The following ROBO2 variants were observed in gnomAD, a reference collection of about 807,000 sequenced individuals.
ROBO2 encodes roundabout guidance receptor 2.
In ROBO2, 53 loss-of-function variants were observed where a neutral mutation model predicts 160.8. The ratio of observed to expected loss-of-function variants is 0.33; its 90% CI spans 0.26 to 0.41. The LOEUF is 0.41. ROBO2 is among the 10% of genes least tolerant of loss of function. ROBO2 has a pLI of 1.00. For missense variants in ROBO2, 1,577 were observed against 1,722.4 expected, an observed-to-expected ratio of 0.92 and a Z score of 1.49; for synonymous variants, 664 against 611.7, an observed-to-expected ratio of 1.09 and a Z score of -1.26.
chr3:76,718,112 A>G (rs902322745), intron 2 of ROBO2, among the ~76,000 whole-genome samples: 1 of 152,216 alleles, frequency 6.6e-6, no homozygotes, highest in African/African-American at 2.4e-5. Flanking sequence ...AACGATGTGT[A>G]TAAGTGTCTA....
intron 2 of ROBO2, among the ~76,000 whole-genome samples, chr3:76,122,950 T>C (rs1576950098): frequency 1.3e-5 from 2 of 152,222 alleles, no homozygotes; most frequent in African/African-American, 4.8e-5. Context: ...GGTTTCACCG[T>C]GTTAGCCAGG....
At chr3:76,856,579 G>A (rs1380894310) in intron 2 of ROBO2, among the ~76,000 whole-genome samples, 1 of 152,110 alleles carries the variant, frequency 6.6e-6, no homozygotes, top group Non-Finnish European at 1.5e-5. Context: ...GTATATGTAA[G>A]AATCTTCTGG....
At chr3:76,342,810 G>C (rs916565436) in intron 2 of ROBO2, among the ~76,000 whole-genome samples, 3 of 151,936 alleles carry the variant, frequency 2.0e-5, no homozygotes, top group African/African-American at 7.2e-5. Flanking sequence ...AGTAGGTATA[G>C]ATAGATTAAT....
At chr3:76,655,160 C>T (rs959903586) in intron 2 of ROBO2, among the ~76,000 whole-genome samples, 4 of 149,642 alleles carry the variant, frequency 2.7e-5, no homozygotes, top group South Asian at 2.1e-4. Context: ...TATTAATATT[C>T]GCAGGGGTGG....
intron 2 of ROBO2, chr3:76,434,410 C>A: frequency 6.4e-7 from 1 of 1,566,110 alleles, no homozygotes; most frequent in Non-Finnish European, 8.8e-7. Flanking sequence ...ACGAAAGTAT[C>A]CAGGCCCTGG....
At chr3:76,525,931 C>A (rs1474832203) in intron 2 of ROBO2, among the ~76,000 whole-genome samples, 4 of 151,860 alleles carry the variant, frequency 2.6e-5, no homozygotes, top group African/African-American at 9.7e-5. Flanking sequence ...ACAGACAGTG[C>A]CATTAGTTAT....
chr3:76,296,514 C>A (rs1709083228), intron 2 of ROBO2, among the ~76,000 whole-genome samples: 1 of 152,132 alleles, frequency 6.6e-6, no homozygotes. Context: ...AGACCTGTGC[C>A]TCTCCCCAGA....
chr3:76,059,303 C>T lies in ROBO2; in HGVS notation c.109+121701C>T, dbSNP rs536440367. Among the ~76,000 whole-genome samples, 32 of 151,788 alleles carry T rather than the reference C, an allele frequency of 2.1e-4. No homozygotes were observed. The South Asian group carries it at 6.2e-3, about 30-fold the overall frequency. On this transcript the variant is annotated intron_variant, in intron 2 of 26. Coordinates refer to the ROBO2 transcript ENST00000487694. ...TGTTCCTATTTCTCCACATCCTCTC[C>T]AGCACCTGTTGTTTCCTGACTTTTG...
chr3:77,575,239 A>G (rs532156530), intron 14 of ROBO2, among the ~76,000 whole-genome samples: 1 of 152,242 alleles, frequency 6.6e-6, no homozygotes, highest in South Asian at 2.1e-4. Flanking sequence ...CCCACTTTGG[A>G]CCTTTTCTTA....
At chr3:77,040,359 T>G in exon 1 of ROBO2, 2 of 1,004,610 alleles carry the variant, frequency 2.0e-6, no homozygotes, top group Non-Finnish European at 2.4e-6. Flanking sequence ...CCAATGGTTT[T>G]TCGGCAGCGC....
chr3:77,396,684 A>G (rs552708711), intron 2 of ROBO2, among the ~76,000 whole-genome samples: 5 of 152,170 alleles, frequency 3.3e-5, no homozygotes, highest in Non-Finnish European at 7.4e-5. Context: ...TAAATGTCTC[A>G]GTCATGAAAG....
intron 2 of ROBO2, among the ~76,000 whole-genome samples, chr3:76,499,551 A>T (rs2080347654): frequency 1.3e-5 from 2 of 152,172 alleles, no homozygotes; most frequent in Non-Finnish European, 2.9e-5. Context: ...TATGGAAAAG[A>T]AATCAACTGT....
chr3:76,036,009 C>G (rs1179087150), intron 2 of ROBO2, among the ~76,000 whole-genome samples: 3 of 151,794 alleles, frequency 2.0e-5, no homozygotes, highest in Admixed American at 6.5e-5. Context: ...TTTTAACTTA[C>G]ATTTCTAAAG....
At chr3:76,467,892 C>T (rs1171532718) in intron 2 of ROBO2, among the ~76,000 whole-genome samples, 3 of 152,074 alleles carry the variant, frequency 2.0e-5, no homozygotes, top group Non-Finnish European at 4.4e-5. Flanking sequence ...ATATTTTGAG[C>T]ATTCAGTGGC....
chr3:76,231,777 G>C (rs1704634421), intron 2 of ROBO2, among the ~76,000 whole-genome samples: 1 of 152,198 alleles, frequency 6.6e-6, no homozygotes, highest in Admixed American at 6.5e-5. Flanking sequence ...GAGAAGTTAA[G>C]ACATTATGAT....
intron 2 of ROBO2, among the ~76,000 whole-genome samples, chr3:77,107,772 C>T (rs2150149137): frequency 6.6e-6 from 1 of 152,222 alleles, no homozygotes. Context: ...ACTATAAAGG[C>T]AAGCATCACA....
intron 2 of ROBO2, among the ~76,000 whole-genome samples, chr3:76,465,963 C>T (rs558446856): frequency 2.7e-5 from 4 of 150,720 alleles, no homozygotes; most frequent in Non-Finnish European, 5.9e-5. Context: ...TCTCTGTGCT[C>T]CTCACTCCAG....
At chr3:77,328,017 C>T (rs921848734) in intron 2 of ROBO2, among the ~76,000 whole-genome samples, 4 of 144,826 alleles carry the variant, frequency 2.8e-5, no homozygotes, top group Non-Finnish European at 4.5e-5. Flanking sequence ...GAGTGGAGAT[C>T]GCACCACTGC....
At chr3:77,558,110 A>G in exon 9 of ROBO2, 1 of 1,613,180 alleles carries the variant, frequency 6.2e-7, no homozygotes. Context: ...CAAGAGCAAC[A>G]ATTCAAGAGC....
Sources: allele counts gnomAD v4.1 joint callset (sites outside exome capture counted in the v4.1 genomes callset), GRCh38; gene constraint gnomAD v4.1.1; transcripts MANE v1.5; gene names NCBI Gene and HGNC (gene_info 2026-07-23, HGNC 2026-07-21).